The following TMEM108 variants were observed in gnomAD, a reference collection of about 807,000 sequenced individuals.
The protein encoded by TMEM108 is transmembrane protein 108.
A neutral mutation model predicts 35.1 loss-of-function variants in TMEM108; 12 were observed. The observed-to-expected ratio is 0.34, with a 90% CI of 0.22 to 0.55. The LOEUF is 0.55. Ranked by LOEUF, TMEM108 falls within the 20% of genes least tolerant of loss-of-function variation. TMEM108 has a pLI of 0.89. For synonymous variants in TMEM108, 287 were observed against 308.6 expected (o/e 0.93, Z 0.73); for missense variants, 680 against 753.3 (o/e 0.90, Z 1.14).
Position 133,101,434 on chromosome 3 carries a change from A to C in TMEM108, c.-47+55414A>C, listed in dbSNP as rs1160175040. ...CGTGATCCTTCTTACATAGGAATTC[A>C]TCACATCAGTGGCTCCTCTGTAGCC... is the stretch of plus-strand genomic sequence containing the variant. On this transcript the variant is annotated intron_variant, in intron 2 of 5. Transcript: ENST00000321871. 4.3e-4 allele frequency among the ~76,000 whole-genome samples: 66 copies of C among 152,208 alleles called. 1 individual carries two copies. Among genetic ancestry groups the C allele is most frequent in the Non-Finnish European group, 4.4e-5 (3 of 68,026 alleles).
intron 3 of TMEM108, among the ~76,000 whole-genome samples, chr3:133,232,528 T>A (rs928700929): frequency 6.6e-6 from 1 of 152,178 alleles, no homozygotes; most frequent in African/African-American, 2.4e-5. Context: ...TCTTTATGAA[T>A]TACACAGCCT....
intron 3 of TMEM108, among the ~76,000 whole-genome samples, chr3:133,285,945 C>G (rs969950516): frequency 6.6e-6 from 1 of 152,162 alleles, no homozygotes; most frequent in Admixed American, 6.6e-5. Context: ...GAGGGGGCAC[C>G]TCATGACATG....
intron 3 of TMEM108, among the ~76,000 whole-genome samples, chr3:133,356,851 A>C: frequency 6.6e-6 from 1 of 152,330 alleles, no homozygotes; most frequent in South Asian, 2.1e-4. Context: ...CTAAGACATG[A>C]AACTATAAAA....
At chr3:133,203,273 A>G (rs1945698815) in intron 2 of TMEM108, among the ~76,000 whole-genome samples, 1 of 152,154 alleles carries the variant, frequency 6.6e-6, no homozygotes, top group African/African-American at 2.4e-5. Context: ...TCCTATTTGA[A>G]TACTCTTTTT....
intron 1 of TMEM108, among the ~76,000 whole-genome samples, chr3:133,038,728 G>C (rs1943236878): frequency 2.6e-5 from 4 of 152,236 alleles, no homozygotes; most frequent in Admixed American, 2.6e-4. Flanking sequence ...CCCCTCCCCA[G>C]GTGGAGGGTG....
In TMEM108 at chr3:133,317,176, T is replaced by C. The variant is rs535547741; in HGVS notation, c.41-62576T>C. On this transcript the variant is annotated intron_variant, in intron 3 of 5. Transcript: ENST00000321871. The stretch of plus-strand genomic sequence containing the variant: ...CTCTGTGTATCCACAGCCCTAATAT[T>C]ACCCATCTAATTCAATGATACGGAC... Among the ~76,000 whole-genome samples, 13 of 152,288 alleles carry C rather than the reference T, an allele frequency of 8.5e-5. No individual in the cohort carries two copies. The East Asian group carries it at 2.3e-3, about 27-fold the overall frequency.
intron 4 of TMEM108, chr3:133,386,365 T>C (rs75403245): frequency 0.01 from 15,423 of 1,533,686 alleles, 123 homozygotes; most frequent in Middle Eastern, 0.014. Flanking sequence ...CAATAGTTGT[T>C]TGAAAGGTTG....
At chr3:133,154,280 G>T (rs7630330) in intron 2 of TMEM108, among the ~76,000 whole-genome samples, 1 of 151,002 alleles carries the variant, frequency 6.6e-6, no homozygotes, top group Admixed American at 6.6e-5. Flanking sequence ...CTGTGCAGAA[G>T]CTCTTTAGTT....
chr3:133,182,149 T>A (rs573466497), intron 2 of TMEM108, among the ~76,000 whole-genome samples: 1 of 152,352 alleles, frequency 6.6e-6, no homozygotes, highest in African/African-American at 2.4e-5. Flanking sequence ...AATTTCTACA[T>A]GCTGGCTTTT....
chr3:133,094,283 A>G lies in TMEM108; in HGVS notation c.-47+48263A>G, dbSNP rs1489563140. Reference sequence around the variant, plus strand: ...GCTGACCAGGTTGATAACCCTTGATACAAATGGAAGGAATACTAGATTCAT... The same window carrying G: ...GCTGACCAGGTTGATAACCCTTGATGCAAATGGAAGGAATACTAGATTCAT... On this transcript the variant is annotated intron_variant, in intron 2 of 5. Coordinates refer to ENST00000321871, the MANE Select transcript of TMEM108 (RefSeq NM_023943.4). Among the ~76,000 whole-genome samples, 3 of 131,934 alleles carry G rather than the reference A, an allele frequency of 2.3e-5. No individual in the cohort carries two copies. The South Asian group carries it at 7.5e-4, about 33-fold the overall frequency. 86.6% of individuals were successfully genotyped at this position (131,934 alleles called of 152,430 possible).
At chr3:133,305,955 G>A (rs1179739694) in intron 3 of TMEM108, among the ~76,000 whole-genome samples, 2 of 151,930 alleles carry the variant, frequency 1.3e-5, no homozygotes, top group African/African-American at 2.4e-5. Flanking sequence ...TTTTTATTGA[G>A]TTGTAACAGT....
intron 2 of TMEM108, among the ~76,000 whole-genome samples, chr3:133,072,416 T>C (rs1199108453): frequency 1.3e-5 from 2 of 152,078 alleles, no homozygotes; most frequent in Non-Finnish European, 2.9e-5. Context: ...AAAAGTGCTT[T>C]AGTTTTAAAC....
At chr3:133,124,553 G>T (rs1944391579) in intron 2 of TMEM108, among the ~76,000 whole-genome samples, 1 of 152,144 alleles carries the variant, frequency 6.6e-6, no homozygotes, top group African/African-American at 2.4e-5. Context: ...GTGTGTTCCA[G>T]GCCAGTGTCC....
chr3:133,070,829 G>A (rs1473976401), intron 2 of TMEM108, among the ~76,000 whole-genome samples: 4 of 150,744 alleles, frequency 2.7e-5, no homozygotes, highest in Non-Finnish European at 4.4e-5. Flanking sequence ...AAAAAGAATC[G>A]CATTCTGAGC....
At chr3:133,371,665 A>G (rs1267092541) in intron 3 of TMEM108, among the ~76,000 whole-genome samples, 2 of 151,486 alleles carry the variant, frequency 1.3e-5, no homozygotes. Context: ...AGGAAGGAAC[A>G]TAGACCTTAC....
intron 2 of TMEM108, among the ~76,000 whole-genome samples, chr3:133,107,455 G>GGTGT (rs59305794): frequency 0.058 from 8,327 of 143,490 alleles, 263 homozygotes; most frequent in African/African-American, 0.085. Flanking sequence ...AAGTGTATGT[G>GGTGT]GTGTGTGTGT....
intron 2 of TMEM108, among the ~76,000 whole-genome samples, chr3:133,057,016 G>C (rs888182550): frequency 6.6e-6 from 1 of 152,124 alleles, no homozygotes; most frequent in Non-Finnish European, 1.5e-5. Context: ...CAAGCCCTCG[G>C]AGTTTATTTA....
chr3:133,371,232 G>T (rs1197008540), intron 3 of TMEM108, among the ~76,000 whole-genome samples: 1 of 152,120 alleles, frequency 6.6e-6, no homozygotes, highest in Non-Finnish European at 1.5e-5. Flanking sequence ...AAAACATAGT[G>T]GCTTAGATCA....
intron 3 of TMEM108, among the ~76,000 whole-genome samples, chr3:133,293,582 G>T (rs1947102939): frequency 6.6e-6 from 1 of 151,956 alleles, no homozygotes; most frequent in South Asian, 2.1e-4. Flanking sequence ...CCTGCCTTAT[G>T]CCAGTGCCAA....
Sources: allele counts gnomAD v4.1 joint callset (sites outside exome capture counted in the v4.1 genomes callset), GRCh38; gene constraint gnomAD v4.1.1; transcripts MANE v1.5; gene names NCBI Gene and HGNC (gene_info 2026-07-23, HGNC 2026-07-21).